The following ASAP1 variants were observed in gnomAD, a reference collection of about 807,000 sequenced individuals.
The protein encoded by ASAP1 is ArfGAP with SH3 domain, ankyrin repeat and PH domain 1.
A neutral mutation model predicts 145.2 loss-of-function variants in ASAP1; 43 were observed. The ratio of observed to expected loss-of-function variants is 0.30; its 90% CI spans 0.23 to 0.38. The LOEUF is 0.38. Among genes scored for constraint, ASAP1 ranks in the 10% least tolerant of loss-of-function variants. The pLI is 1.00. For missense variants in ASAP1, 1,018 were observed against 1,355.3 expected (o/e 0.75, Z 3.91); for synonymous variants, 546 against 515.5 (o/e 1.06, Z -0.80).
intron 3 of ASAP1, among the ~76,000 whole-genome samples, chr8:130,242,271 A>AAAAC (rs1818576308): frequency 2.0e-5 from 3 of 150,086 alleles, no homozygotes; most frequent in Admixed American, 6.6e-5. Flanking sequence ...TAAAAAAAAA[A>AAAAC]AAAAAAAAAA....
At chr8:130,103,710 C>G (rs1444793599) in intron 24 of ASAP1, among the ~76,000 whole-genome samples, 1 of 152,142 alleles carries the variant, frequency 6.6e-6, no homozygotes, top group Non-Finnish European at 1.5e-5. Flanking sequence ...ACCATGTTGG[C>G]CAGGCTGGTC....
At chr8:130,316,984 T>C (rs1823700031) in intron 3 of ASAP1, among the ~76,000 whole-genome samples, 1 of 152,154 alleles carries the variant, frequency 6.6e-6, no homozygotes, top group Admixed American at 6.5e-5. Flanking sequence ...CTTAACCTTA[T>C]GTCAGTACAG....
At chr8:130,277,998 AT>A (rs1821018448) in intron 3 of ASAP1, among the ~76,000 whole-genome samples, 1 of 151,606 alleles carries the variant, frequency 6.6e-6, no homozygotes, top group African/African-American at 2.4e-5. Flanking sequence ...CCAAAGTAGT[AT>A]GGTTCTCAGC....
intron 3 of ASAP1, among the ~76,000 whole-genome samples, chr8:130,315,395 C>T (rs1366834784): frequency 6.6e-6 from 1 of 152,058 alleles, no homozygotes; most frequent in East Asian, 1.9e-4. Flanking sequence ...AACTGGGTCC[C>T]AGGAAATAAG....
rs146424371 is a variant in ASAP1 at position 130,225,419 on chromosome 8, C to T, written c.260-10718G>A. Among the ~76,000 whole-genome samples the T allele has an allele frequency of 8.1e-3, 1,234 of 152,216 alleles. 9 individuals carry two copies. Among genetic ancestry groups the T allele is most frequent in the South Asian group, 0.023 (111 of 4,824 alleles). On this transcript the variant is annotated intron_variant, in intron 4 of 29. Coordinates refer to ENST00000518721, the MANE Select transcript of ASAP1 (RefSeq NM_018482.4). ...TGTTTATATAGCACAGGAAAGGGTT[C>T]GTTAAAGTAAGTTATTAAACTTTTT...
At chr8:130,279,383 G>C (rs1196124417) in intron 3 of ASAP1, among the ~76,000 whole-genome samples, 1 of 152,144 alleles carries the variant, frequency 6.6e-6, no homozygotes, top group African/African-American at 2.4e-5. Flanking sequence ...ATATGGCAAC[G>C]AGGGAATGTG....
intron 18 of ASAP1, among the ~76,000 whole-genome samples, chr8:130,123,221 G>A (rs2097569384): frequency 6.6e-6 from 1 of 152,170 alleles, no homozygotes; most frequent in South Asian, 2.1e-4. Flanking sequence ...CAAAGGGTAA[G>A]TACATTTATA....
intron 15 of ASAP1, among the ~76,000 whole-genome samples, chr8:130,131,339 G>A (rs1202025015): frequency 1.3e-5 from 2 of 152,090 alleles, no homozygotes; most frequent in African/African-American, 4.8e-5. Flanking sequence ...ATGATGCAGT[G>A]AAACTGCCTC....
chr8:130,372,304 A>AG (rs1214698998), intron 2 of ASAP1, among the ~76,000 whole-genome samples: 14 of 152,096 alleles, frequency 9.2e-5, no homozygotes, highest in Non-Finnish European at 2.9e-5. Context: ...CCACACAGGA[A>AG]GGAAGATGAT....
At chr8:130,355,226 G>A (rs1826234338) in intron 3 of ASAP1, among the ~76,000 whole-genome samples, 1 of 152,136 alleles carries the variant, frequency 6.6e-6, no homozygotes, top group Admixed American at 6.5e-5. Context: ...TCATCACAGA[G>A]ATTTAACTAA....
intron 3 of ASAP1, among the ~76,000 whole-genome samples, chr8:130,242,183 C>T (rs1818566891): frequency 7.0e-6 from 1 of 143,624 alleles, no homozygotes; most frequent in Non-Finnish European, 1.5e-5. Flanking sequence ...CCTCAGAAGG[C>T]AGTTGCCAGT....
chr8:130,268,213 C>CGGTA (rs915016735), intron 3 of ASAP1, among the ~76,000 whole-genome samples: 4 of 152,074 alleles, frequency 2.6e-5, no homozygotes, highest in Non-Finnish European at 5.9e-5. Context: ...AGGCCTGGCA[C>CGGTA]GGTAGCTCAT....
intron 3 of ASAP1, among the ~76,000 whole-genome samples, chr8:130,293,088 A>G (rs1376173520): frequency 1.3e-5 from 2 of 152,210 alleles, no homozygotes; most frequent in Non-Finnish European, 1.5e-5. Context: ...ATGACTCCAG[A>G]AAAATACTCT....
chr8:130,225,196 T>G (rs1417721460), intron 4 of ASAP1, among the ~76,000 whole-genome samples: 1 of 152,246 alleles, frequency 6.6e-6, no homozygotes, highest in African/African-American at 2.4e-5. Flanking sequence ...TTATAATATG[T>G]GTTGCAAATA....
intron 4 of ASAP1, among the ~76,000 whole-genome samples, chr8:130,235,299 A>G (rs1818148412): frequency 6.6e-6 from 1 of 152,132 alleles, no homozygotes; most frequent in Non-Finnish European, 1.5e-5. Flanking sequence ...TAATACTTTA[A>G]ATATATTTTT....
intron 14 of ASAP1, among the ~76,000 whole-genome samples, chr8:130,136,408 G>C (rs574568247): frequency 2.5e-4 from 38 of 152,278 alleles, no homozygotes; most frequent in Non-Finnish European, 5.9e-5. Flanking sequence ...AGTTCTGCTT[G>C]GAAGCAAGGA....
chr8:130,215,737 C>T (rs189578072), intron 4 of ASAP1, among the ~76,000 whole-genome samples: 38 of 152,106 alleles, frequency 2.5e-4, no homozygotes, highest in Middle Eastern at 6.8e-3. Flanking sequence ...GAGTGAGACT[C>T]TGTCTCAAAA....
intron 18 of ASAP1, among the ~76,000 whole-genome samples, chr8:130,122,479 C>T (rs987041830): frequency 5.3e-4 from 80 of 152,132 alleles, no homozygotes; most frequent in African/African-American, 1.8e-3. Context: ...TACTACAGAC[C>T]AATAATAATA....
chr8:130,318,200 GC>G (rs201182139), intron 3 of ASAP1, among the ~76,000 whole-genome samples: 1 of 152,078 alleles, frequency 6.6e-6, no homozygotes, highest in African/African-American at 2.4e-5. Context: ...TCCCACCTCA[GC>G]CCCCCAAGTG....
Sources: gnomAD v4.1 joint callset for allele counts (sites outside exome capture counted in the v4.1 genomes callset) on GRCh38, gnomAD v4.1.1 for gene constraint, MANE v1.5 for transcripts, NCBI Gene and HGNC (gene_info 2026-07-23, HGNC 2026-07-21) for gene names.